Variants in FILIP1 observed in about 807,000 individuals in gnomAD.
FILIP1 encodes filamin A interacting protein 1.
A neutral mutation model predicts 102.1 loss-of-function variants in FILIP1; 61 were observed. The observed-to-expected ratio is 0.60, with a 90% confidence interval of 0.49 to 0.74. The LOEUF (loss-of-function observed/expected upper bound fraction) is 0.74. Ranked by LOEUF, FILIP1 falls within the 30% of genes least tolerant of loss-of-function variation. FILIP1 has a pLI of 0.00. For synonymous variants in FILIP1, 491 were observed against 526.9 expected, an observed-to-expected ratio of 0.93 and a Z score of 0.93; for missense variants, 1,314 against 1,441.2, an observed-to-expected ratio of 0.91 and a Z score of 1.43.
At chr6:75,488,121 G>GA (rs1176884827) in intron 1 of FILIP1, among the ~76,000 whole-genome samples, 15 of 152,076 alleles carry the variant, frequency 9.9e-5, no homozygotes, top group Admixed American at 3.9e-4. Flanking sequence ...CCAAAAATGG[G>GA]AAAAAAACCC....
intron 1 of FILIP1, 106 bp from the exon 2 acceptor site, chr6:75,415,084 G>T: frequency 2.0e-6 from 2 of 1,007,032 alleles, no homozygotes; most frequent in African/African-American, 1.6e-5. Context: ...TCGCCAATAA[G>T]GAAAAATCAA....
chr6:75,306,002 A>T (rs574902897), downstream of FILIP1, among the ~76,000 whole-genome samples: 1 of 152,242 alleles, frequency 6.6e-6, no homozygotes, highest in Non-Finnish European at 1.5e-5. Flanking sequence ...GTTGCATCTT[A>T]AAAGTACTGT....
At chr6:75,353,933 T>A (rs1774899672) in intron 3 of FILIP1, among the ~76,000 whole-genome samples, 1 of 152,214 alleles carries the variant, frequency 6.6e-6, no homozygotes, top group South Asian at 2.1e-4. Flanking sequence ...GCTTTCTGGC[T>A]TTTTTGTAAA....
chr6:75,460,188 T>C (rs887235197), intron 1 of FILIP1, among the ~76,000 whole-genome samples: 4 of 152,194 alleles, frequency 2.6e-5, no homozygotes, highest in African/African-American at 9.7e-5. Flanking sequence ...TCTCCACAAC[T>C]GCAACCTTCT....
chr6:75,355,082 G>A (rs935187473), intron 3 of FILIP1, among the ~76,000 whole-genome samples: 8 of 152,124 alleles, frequency 5.3e-5, no homozygotes, highest in Non-Finnish European at 1.5e-5. Flanking sequence ...ATTGCTTGAG[G>A]TTAGGAGTTC....
chr6:75,407,604 A>G (rs1776917525), intron 2 of FILIP1, among the ~76,000 whole-genome samples: 1 of 152,312 alleles, frequency 6.6e-6, no homozygotes, highest in East Asian at 1.9e-4. Context: ...TTGACTCTCA[A>G]TGTCAAGAGT....
At chr6:75,476,752 T>C (rs942286468) in intron 1 of FILIP1, among the ~76,000 whole-genome samples, 2 of 152,182 alleles carry the variant, frequency 1.3e-5, no homozygotes, top group Non-Finnish European at 2.9e-5. Context: ...ACTTACACCA[T>C]GTTCTCCCTG....
At chr6:75,425,799 A>G (rs1023702770) in intron 1 of FILIP1, among the ~76,000 whole-genome samples, 3 of 152,112 alleles carry the variant, frequency 2.0e-5, no homozygotes, top group Admixed American at 6.5e-5. Flanking sequence ...TACTCTCCAT[A>G]TGTATGTGAA....
intron 2 of FILIP1, among the ~76,000 whole-genome samples, chr6:75,401,812 C>T (rs778665994): frequency 2.0e-5 from 3 of 152,196 alleles, no homozygotes; most frequent in Admixed American, 6.6e-5. Flanking sequence ...CCCCACTTAA[C>T]ATACATTTCT....
chr6:75,436,460 C>G (rs1304146986), intron 1 of FILIP1, among the ~76,000 whole-genome samples: 1 of 151,956 alleles, frequency 6.6e-6, no homozygotes, highest in Non-Finnish European at 1.5e-5. Context: ...TAAGTTCCTT[C>G]TAGGAACAGG....
intron 1 of FILIP1, among the ~76,000 whole-genome samples, chr6:75,427,393 T>A (rs957525474): frequency 1.3e-5 from 2 of 152,162 alleles, no homozygotes; most frequent in Non-Finnish European, 2.9e-5. Context: ...TATAGGACTT[T>A]CAGGCTATGC....
chr6:75,389,213 G>A (rs556584397), intron 2 of FILIP1, among the ~76,000 whole-genome samples: 52 of 152,298 alleles, frequency 3.4e-4, no homozygotes, highest in Non-Finnish European at 5.4e-4. Flanking sequence ...GCATCCCAGG[G>A]ATGAAGCTGA....
rs563096542 is a variant in FILIP1, at chr6:75,438,533, G to A, written c.-6-23555C>T. 7.9e-5 allele frequency among the ~76,000 whole-genome samples: 12 copies of A among 152,210 alleles called. No individual in the cohort carries two copies. The East Asian group carries it at 2.1e-3, about 27-fold the overall frequency. ...TCCCACAAGATCATAAACTGCTTGA[G>A]GGCAAAAACTATCAAATTCACTCTT... On this transcript the variant is annotated intron_variant, in intron 1 of 5. Transcript: ENST00000237172.
intron 4 of FILIP1, among the ~76,000 whole-genome samples, chr6:75,342,374 A>G (rs1774441900): frequency 6.6e-6 from 1 of 152,234 alleles, no homozygotes; most frequent in South Asian, 2.1e-4. Context: ...AGATTATTTT[A>G]TCCATGGAGT....
intron 6 of FILIP1, among the ~76,000 whole-genome samples, chr6:75,302,946 C>T (rs1398362076): frequency 6.6e-6 from 1 of 151,986 alleles, no homozygotes; most frequent in Non-Finnish European, 1.5e-5. Flanking sequence ...GATTACAAGA[C>T]CAATTAGGAG....
chr6:75,454,817 A>G (rs1778767229), intron 1 of FILIP1: 1 of 152,160 alleles, frequency 6.6e-6, no homozygotes, highest in Non-Finnish European at 1.5e-5. Context: ...TCATTTTTGT[A>G]GGATCAACTA....
intron 2 of FILIP1, among the ~76,000 whole-genome samples, chr6:75,391,905 C>A (rs549326656): frequency 6.6e-6 from 1 of 152,250 alleles, no homozygotes; most frequent in African/African-American, 2.4e-5. Context: ...GAGCCCACTC[C>A]AACCAGGCTT....
intron 1 of FILIP1, among the ~76,000 whole-genome samples, chr6:75,437,718 G>A (rs1778073088): frequency 6.6e-6 from 1 of 152,214 alleles, no homozygotes; most frequent in African/African-American, 2.4e-5. Flanking sequence ...ATGATCTGCT[G>A]AGAACATGTT....
At chr6:75,297,268 A>G (rs1261577193) in intron 6 of FILIP1, among the ~76,000 whole-genome samples, 1 of 152,196 alleles carries the variant, frequency 6.6e-6, no homozygotes, top group African/African-American at 2.4e-5. Context: ...CATTAATTAA[A>G]TCGTATTATG....
Sources: gnomAD v4.1 joint callset for allele counts (sites outside exome capture counted in the v4.1 genomes callset) on GRCh38, gnomAD v4.1.1 for gene constraint, MANE v1.5 for transcripts, NCBI Gene and HGNC (gene_info 2026-07-23, HGNC 2026-07-21) for gene names.